The following PRKN variants were observed in gnomAD, a reference collection of about 807,000 sequenced individuals.
PRKN encodes the protein parkin RBR E3 ubiquitin protein ligase.
In PRKN, 56 loss-of-function variants were observed where a neutral mutation model predicts 59.5. The observed-to-expected ratio is 0.94, with a 90% confidence interval of 0.76 to 1.18. The LOEUF is 1.18. Ranked by LOEUF, PRKN falls within the 50% of genes most tolerant of loss-of-function variation. PRKN has a pLI of 0.00. For synonymous variants in PRKN, 250 were observed against 222.1 expected (o/e 1.13, Z -1.12); for missense variants, 657 against 596.4 (o/e 1.10, Z -1.06).
intron 6 of PRKN, among the ~76,000 whole-genome samples, chr6:161,888,332 C>T (rs1019426775): frequency 6.6e-5 from 10 of 152,162 alleles, no homozygotes; most frequent in Non-Finnish European, 1.2e-4. Flanking sequence ...TCCTAGCTAG[C>T]ATCGAGGTCA....
chr6:162,551,094 C>T (rs1562376987), intron 1 of PRKN, among the ~76,000 whole-genome samples: 1 of 152,088 alleles, frequency 6.6e-6, no homozygotes. Flanking sequence ...TTGTAATAGG[C>T]CTTCGTGAAT....
At chr6:161,639,463 C>A (rs1363309263) in intron 7 of PRKN, among the ~76,000 whole-genome samples, 1 of 152,214 alleles carries the variant, frequency 6.6e-6, no homozygotes, top group African/African-American at 2.4e-5. Flanking sequence ...GTACTCCTCA[C>A]TCCCTCTTCC....
intron 1 of PRKN, among the ~76,000 whole-genome samples, chr6:162,657,599 TG>T (rs1180585472): frequency 6.6e-6 from 1 of 152,096 alleles, no homozygotes; most frequent in Admixed American, 6.5e-5. Context: ...ATCCAAAAGT[TG>T]TTTTTGCCAT....
At chr6:162,387,545 CACACACACACAGAGAGAG>C (rs1220810112) in intron 2 of PRKN, among the ~76,000 whole-genome samples, 2 of 74,864 alleles carry the variant, frequency 2.7e-5, no homozygotes, top group Non-Finnish European at 4.8e-5. Flanking sequence ...CACACACACA[CACACACACACAGAGAGAG>C]AGAGAGAGAG....
At chr6:162,219,907 A>G (rs1276158598) in intron 3 of PRKN, among the ~76,000 whole-genome samples, 2 of 152,286 alleles carry the variant, frequency 1.3e-5, no homozygotes, top group Non-Finnish European at 1.5e-5. Context: ...AAGACCTCCT[A>G]TGGACAGCAA....
intron 7 of PRKN, among the ~76,000 whole-genome samples, chr6:161,623,420 T>C (rs1475549103): frequency 6.6e-6 from 1 of 152,242 alleles, no homozygotes; most frequent in Non-Finnish European, 1.5e-5. Flanking sequence ...AAAATATGGG[T>C]ATATACACTT....
intron 4 of PRKN, among the ~76,000 whole-genome samples, chr6:162,176,596 T>C (rs1156952615): frequency 1.7e-5 from 2 of 117,642 alleles, no homozygotes; most frequent in African/African-American, 2.6e-5. Flanking sequence ...AAGTTTTAAA[T>C]GTAGTAAACT....
At chr6:162,401,884 A>T (rs1033230379) in intron 2 of PRKN, among the ~76,000 whole-genome samples, 1 of 152,160 alleles carries the variant, frequency 6.6e-6, no homozygotes, top group Non-Finnish European at 1.5e-5. Context: ...CCACAGAAGC[A>T]AACAGTTATT....
intron 2 of PRKN, chr6:162,267,141 A>G (rs1057349122): frequency 6.6e-6 from 1 of 152,208 alleles, no homozygotes; most frequent in Non-Finnish European, 1.5e-5. Flanking sequence ...TACAGCTGCA[A>G]AGGGGAAAAG....
intron 7 of PRKN, among the ~76,000 whole-genome samples, chr6:161,697,587 T>C (rs1252928158): frequency 6.6e-6 from 1 of 152,176 alleles, no homozygotes; most frequent in Non-Finnish European, 1.5e-5. Context: ...GAACTGATAG[T>C]ATGTAAAACA....
At chr6:162,410,499 G>A (rs7739680) in intron 2 of PRKN, among the ~76,000 whole-genome samples, 5 of 151,976 alleles carry the variant, frequency 3.3e-5, no homozygotes, top group African/African-American at 9.7e-5. Flanking sequence ...AATTTCGCTC[G>A]ACTGAAAGCA....
intron 6 of PRKN, among the ~76,000 whole-genome samples, chr6:161,968,490 C>A (rs1462588864): frequency 6.6e-6 from 1 of 152,072 alleles, no homozygotes; most frequent in African/African-American, 2.4e-5. Flanking sequence ...CTCCACGGTC[C>A]CCTTGACAAG....
intron 2 of PRKN, among the ~76,000 whole-genome samples, chr6:162,301,890 G>T (rs1781976580): frequency 6.6e-6 from 1 of 151,574 alleles, no homozygotes; most frequent in South Asian, 2.1e-4. Flanking sequence ...CAGGTCTCAG[G>T]TCTTATTTGT....
At chr6:162,106,914 T>G (rs1374145915) in intron 4 of PRKN, among the ~76,000 whole-genome samples, 1 of 152,174 alleles carries the variant, frequency 6.6e-6, no homozygotes, top group Non-Finnish European at 1.5e-5. Flanking sequence ...GCCCTCACTG[T>G]TCACTTTCCA....
In PRKN at chr6:161,353,212, T is replaced by G. The variant is rs1429799147; in HGVS notation, c.1286-3001A>C. On this transcript the variant is annotated intron_variant, in intron 11 of 11. Transcript: ENST00000366898. The surrounding 1 kb of genome is among the most constrained non-coding windows in gnomAD (Gnocchi z 4.8). ...AAAGAGAATCTCTCCCTCCGACCTT[T>G]CCTTGCCCTCCTTTTACCAGCCCAG... Among the ~76,000 whole-genome samples, 1 of 152,164 alleles carries G rather than the reference T, an allele frequency of 6.6e-6. No individual in the cohort carries two copies. Among genetic ancestry groups the G allele is most frequent in the African/African-American group, 2.4e-5 (1 of 41,450 alleles).
chr6:162,316,904 T>C (rs1782775496), intron 2 of PRKN, among the ~76,000 whole-genome samples: 2 of 152,090 alleles, frequency 1.3e-5, no homozygotes, highest in Non-Finnish European at 2.9e-5. Flanking sequence ...CAGTAAAGAT[T>C]ATAGAAATTC....
At chr6:161,464,392 T>C (rs1454918055) in intron 9 of PRKN, among the ~76,000 whole-genome samples, 2 of 152,232 alleles carry the variant, frequency 1.3e-5, no homozygotes, top group African/African-American at 4.8e-5. Flanking sequence ...ATTTCATTCC[T>C]GGAAACTTTG....
chr6:162,584,222 A>C (rs1420366594), intron 1 of PRKN, among the ~76,000 whole-genome samples: 3 of 77,830 alleles, frequency 3.9e-5, no homozygotes, highest in African/African-American at 1.1e-4. Context: ...CAAAAAAAAA[A>C]AACAAAAAAC....
At chr6:162,562,529 G>A (rs959062662) in intron 1 of PRKN, among the ~76,000 whole-genome samples, 1 of 152,104 alleles carries the variant, frequency 6.6e-6, no homozygotes, top group Non-Finnish European at 1.5e-5. Flanking sequence ...AGAGCCTTTG[G>A]GCCTTAAGGG....
Sources: gnomAD v4.1 joint callset for allele counts (sites outside exome capture counted in the v4.1 genomes callset) on GRCh38, gnomAD v4.1.1 for gene constraint, Gnocchi (gnomAD v3.1) non-coding constraint, MANE v1.5 for transcripts, NCBI Gene and HGNC (gene_info 2026-07-23, HGNC 2026-07-21) for gene names.